DCAF6: variants seen among roughly 807,000 people sequenced by gnomAD.
DCAF6 encodes DDB1 and CUL4 associated factor 6, also known as DDB1- and CUL4-associated factor 6.
Under a neutral mutation model 125.1 loss-of-function variants are expected in DCAF6, and 54 were observed. The observed-to-expected ratio is 0.43, with a 90% confidence interval of 0.35 to 0.54. DCAF6 has a LOEUF of 0.54. Ranked by LOEUF, DCAF6 falls within the 20% of genes least tolerant of loss-of-function variation. DCAF6 has a pLI of 0.01. For synonymous variants in DCAF6, 371 were observed against 390.4 expected (o/e 0.95, Z 0.58); for missense variants, 934 against 1,161.7 (o/e 0.80, Z 2.85).
At chr1:168,050,817 T>G (rs942072504) in intron 16 of DCAF6, 75 bp from the exon 17 acceptor site, 2 of 785,136 alleles carry the variant, frequency 2.5e-6, no homozygotes, top group African/African-American at 3.5e-5. Flanking sequence ...ATAAAAAGGG[T>G]GTCCTTAATG....
chr1:168,030,312 G>A (rs1686907119), intron 12 of DCAF6, among the ~76,000 whole-genome samples: 1 of 152,202 alleles, frequency 6.6e-6, no homozygotes, highest in Admixed American at 6.5e-5. Flanking sequence ...CATGAGTAAA[G>A]GGAAGCATGA....
At chr1:167,976,878 CTTTAGCAGTT>C (rs1678274255) in intron 4 of DCAF6, among the ~76,000 whole-genome samples, 4 of 125,474 alleles carry the variant, frequency 3.2e-5, no homozygotes, top group Non-Finnish European at 6.7e-5. Context: ...AAGGTACATC[CTTTAGCAGTT>C]TTTTTTTTTT....
intron 6 of DCAF6, 65 bp downstream of exon 6, chr1:167,991,404 T>G: frequency 4.9e-6 from 7 of 1,433,154 alleles, no homozygotes; most frequent in Non-Finnish European, 6.5e-6. Context: ...CTATGACATT[T>G]TCAGTTTTAA....
At chr1:167,965,837 A>G (rs557955889) in intron 2 of DCAF6, among the ~76,000 whole-genome samples, 2 of 152,000 alleles carry the variant, frequency 1.3e-5, no homozygotes, top group Non-Finnish European at 2.9e-5. Flanking sequence ...GTTTCGCCAT[A>G]TTGGTCAGGC....
chr1:167,950,765 A>T (rs1469173814), intron 1 of DCAF6, among the ~76,000 whole-genome samples: 1 of 152,206 alleles, frequency 6.6e-6, no homozygotes, highest in Non-Finnish European at 1.5e-5. Context: ...CTGAATAAAC[A>T]TGCTTTTTGA....
At chr1:167,866,574 G>T in the DCAF6 span, among the ~76,000 whole-genome samples, 4 of 143,810 alleles carry the variant, frequency 2.8e-5, no homozygotes, top group Admixed American at 2.9e-4. Flanking sequence ...CCAATTCTAA[G>T]TTAATTTAGA....
chr1:167,914,455 G>T, the DCAF6 span, among the ~76,000 whole-genome samples: 1 of 152,138 alleles, frequency 6.6e-6, no homozygotes, highest in Admixed American at 6.5e-5. Flanking sequence ...GTCAATAGTG[G>T]TTACAGCTTG....
At chr1:167,911,959 A>T in the DCAF6 span, among the ~76,000 whole-genome samples, 1 of 152,342 alleles carries the variant, frequency 6.6e-6, no homozygotes, top group South Asian at 2.1e-4. Context: ...GAAGAAAATG[A>T]TAGGTTTAAA....
intron 1 of DCAF6, among the ~76,000 whole-genome samples, 181 bp from the exon 2 acceptor site, chr1:167,951,619 A>G (rs1673960449): frequency 6.6e-6 from 1 of 152,144 alleles, no homozygotes. Context: ...AGGTATTCTA[A>G]TGAGGAAACT....
chr1:167,908,557 C>T, the DCAF6 span, among the ~76,000 whole-genome samples: 6 of 152,256 alleles, frequency 3.9e-5, no homozygotes, highest in East Asian at 9.6e-4. Flanking sequence ...TAACTGTTCT[C>T]ACCACACAAA....
chr1:168,073,098 C>T (rs747390024), intron 21 of DCAF6, among the ~76,000 whole-genome samples: 2 of 152,160 alleles, frequency 1.3e-5, no homozygotes, highest in African/African-American at 2.4e-5. Context: ...ATCGCTTGAA[C>T]CCGGGAGGCG....
chr1:167,950,494 A>G (rs1289956252), intron 1 of DCAF6, among the ~76,000 whole-genome samples: 1 of 152,168 alleles, frequency 6.6e-6, no homozygotes, highest in Non-Finnish European at 1.5e-5. Flanking sequence ...ATAATTATCC[A>G]TAATTTTTTT....
chr1:167,945,561 G>A (rs1316955723), intron 1 of DCAF6, among the ~76,000 whole-genome samples: 2 of 151,442 alleles, frequency 1.3e-5, no homozygotes, highest in Non-Finnish European at 2.9e-5. Context: ...GCACAATCTC[G>A]GCTTACTACA....
the DCAF6 span, chr1:167,880,260 G>T: frequency 2.2e-6 from 3 of 1,389,160 alleles, no homozygotes; most frequent in South Asian, 3.6e-5. Flanking sequence ...AGTGGGAAGG[G>T]TGGGAAATAA....
intron 2 of DCAF6, 54 bp downstream of exon 2, chr1:167,951,915 T>C: frequency 8.2e-6 from 10 of 1,217,126 alleles, no homozygotes; most frequent in Middle Eastern, 1.9e-4. Flanking sequence ...AGTGTTTAAG[T>C]GTTTGATGAA....
At chr1:168,069,581 C>T (rs901368349) in intron 21 of DCAF6, among the ~76,000 whole-genome samples, 1 of 152,072 alleles carries the variant, frequency 6.6e-6, no homozygotes, top group African/African-American at 2.4e-5. Flanking sequence ...AAGTAGACAG[C>T]GTATAGCGTT....
intron 10 of DCAF6, among the ~76,000 whole-genome samples, chr1:168,007,061 T>C (rs1228989731): frequency 6.6e-6 from 1 of 152,214 alleles, no homozygotes; most frequent in African/African-American, 2.4e-5. Context: ...TCTCAAACTT[T>C]AATACTTCCC....
chr1:168,016,771 A>G (rs549888868), intron 11 of DCAF6, among the ~76,000 whole-genome samples: 5 of 152,234 alleles, frequency 3.3e-5, no homozygotes, highest in South Asian at 2.1e-4. Context: ...TAAATACTAT[A>G]GTAGGTATAA....
At chr1:167,980,480 A>G (rs1425187993) in intron 4 of DCAF6, among the ~76,000 whole-genome samples, 1 of 152,086 alleles carries the variant, frequency 6.6e-6, no homozygotes, top group Non-Finnish European at 1.5e-5. Flanking sequence ...CCTTGCCAAC[A>G]CTTACAATTT....
Sources: gnomAD v4.1 joint callset for allele counts (sites outside exome capture counted in the v4.1 genomes callset) on GRCh38, gnomAD v4.1.1 for gene constraint, MANE v1.5 for transcripts, NCBI Gene and HGNC (gene_info 2026-07-23, HGNC 2026-07-21) for gene names.